Variants in TRAPPC12 observed in about 807,000 individuals in gnomAD.
TRAPPC12 encodes the protein TPR repeat protein 15.
TRAPPC12 carries 61 observed loss-of-function variants against 69.2 expected under a neutral mutation model. The observed-to-expected ratio is 0.88, with a 90% CI of 0.72 to 1.09. TRAPPC12 has a LOEUF of 1.09. Among genes scored for constraint, TRAPPC12 ranks in the 50% least tolerant of loss-of-function variants. The pLI, the probability that TRAPPC12 is intolerant of heterozygous loss-of-function variation, is 0.00. For missense variants in TRAPPC12, 1,101 were observed against 1,016.4 expected (o/e 1.08, Z -1.13); for synonymous variants, 469 against 438.9 (o/e 1.07, Z -0.86).
intron 3 of TRAPPC12, among the ~76,000 whole-genome samples, chr2:3,416,947 C>T (rs1662447994): frequency 1.3e-5 from 2 of 149,958 alleles, no homozygotes; most frequent in South Asian, 4.2e-4. Flanking sequence ...TGCTGGGCAG[C>T]CTTCCTGGGC....
Position 3,388,351 on chromosome 2 carries a change from C to T in TRAPPC12, c.728C>T (p.Pro243Leu), listed in dbSNP as rs778690090. ...ISVSNPGAGS[P>L]APASPPPLAV... ...GTCAGCAATCCCGGCGCGGGCTCCC[C>T]GGCCCCCGCCAGCCCGCCTCCCCTC... is the stretch of plus-strand genomic sequence containing the variant. Residue 243 changes from proline to leucine, a missense_variant, in exon 2 of 12, where the codon CCG becomes CTG. Physicochemically the swap from Pro to Leu is moderately conservative, Grantham distance 98 (BLOSUM62 -3). Transcript: ENST00000324266. The T allele has an allele frequency of 7.6e-6, 12 of 1,582,166 alleles. No individual in the cohort carries two copies. Among genetic ancestry groups the T allele is most frequent in the Middle Eastern group, 3.3e-4 (2 of 5,974 alleles).
intron 5 of TRAPPC12, among the ~76,000 whole-genome samples, chr2:3,426,217 G>T (rs1357301441): frequency 6.6e-6 from 1 of 152,204 alleles, no homozygotes; most frequent in Non-Finnish European, 1.5e-5. Context: ...GAAAAAATGG[G>T]AAGGGTAACT....
intron 2 of TRAPPC12, among the ~76,000 whole-genome samples, chr2:3,395,809 A>G (rs1317607284): frequency 6.6e-6 from 1 of 151,046 alleles, no homozygotes. Context: ...AGCTCACTCC[A>G]ACCTCCACCT....
chr2:3,440,690 T>C (rs1664150493), intron 5 of TRAPPC12, among the ~76,000 whole-genome samples: 1 of 152,212 alleles, frequency 6.6e-6, no homozygotes, highest in African/African-American at 2.4e-5. Flanking sequence ...GAACTTCCAG[T>C]ACAATGTTCA....
At chr2:3,383,376 C>T (rs564178914) in intron 1 of TRAPPC12, among the ~76,000 whole-genome samples, 1 of 151,930 alleles carries the variant, frequency 6.6e-6, no homozygotes, top group African/African-American at 2.4e-5. Context: ...GAAGTTTTGC[C>T]TTTCACAGTT....
chr2:3,408,041 T>TA (rs1661825548), intron 3 of TRAPPC12, among the ~76,000 whole-genome samples: 2 of 152,084 alleles, frequency 1.3e-5, no homozygotes, highest in African/African-American at 2.4e-5. Context: ...ATTTGTCCAT[T>TA]AAACAAGAGC....
chr2:3,423,364 C>G (rs1315123908), intron 4 of TRAPPC12, among the ~76,000 whole-genome samples: 1 of 150,776 alleles, frequency 6.6e-6, no homozygotes, highest in African/African-American at 2.5e-5. Flanking sequence ...AATGAGAACA[C>G]TGAAAATCTG....
chr2:3,453,434 T>TG (rs1253123419), intron 6 of TRAPPC12, among the ~76,000 whole-genome samples: 1 of 152,242 alleles, frequency 6.6e-6, no homozygotes, highest in Admixed American at 6.5e-5. Context: ...TCTGCCCCTG[T>TG]GGCTGGTCGC....
intron 2 of TRAPPC12, among the ~76,000 whole-genome samples, chr2:3,398,278 G>A (rs542607460): frequency 3.3e-5 from 5 of 152,244 alleles, no homozygotes; most frequent in East Asian, 3.9e-4. Flanking sequence ...TTGAGGCCCC[G>A]CCAGACAGTT....
chr2:3,479,092 C>T (rs1666429812), intron 11 of TRAPPC12, 127 bp from the exon 12 acceptor site: 1 of 1,521,998 alleles, frequency 6.6e-7, no homozygotes, highest in African/African-American at 1.4e-5. Flanking sequence ...CCAACAGGGC[C>T]ACCTAGGCTC....
intron 4 of TRAPPC12, among the ~76,000 whole-genome samples, chr2:3,424,080 A>G (rs34778340): frequency 0.13 from 19,484 of 152,096 alleles, 1,557 homozygotes; most frequent in East Asian, 0.39. Flanking sequence ...CCCGCCCTCC[A>G]CTAGGTGGCG....
chr2:3,415,918 G>A (rs572583912), intron 3 of TRAPPC12, among the ~76,000 whole-genome samples: 17 of 151,124 alleles, frequency 1.1e-4, no homozygotes, highest in Middle Eastern at 6.9e-3. Flanking sequence ...GGGTTTCACC[G>A]TGTTAGCCAG....
At chr2:3,411,211 T>G (rs577222696) in intron 3 of TRAPPC12, among the ~76,000 whole-genome samples, 15 of 152,282 alleles carry the variant, frequency 9.9e-5, no homozygotes, top group African/African-American at 3.6e-4. Context: ...CTTCCATACT[T>G]GTTGTGAAAA....
intron 8 of TRAPPC12, chr2:3,463,172 G>T (rs1231374160): frequency 6.7e-6 from 2 of 299,500 alleles, no homozygotes; most frequent in Non-Finnish European, 1.3e-5. Context: ...CCTGTGAAGG[G>T]CTGTTTCCTC....
chr2:3,460,237 A>C (rs769130540), intron 7 of TRAPPC12, 26 bp from the exon 8 acceptor site: 1 of 873,024 alleles, frequency 1.1e-6, no homozygotes, highest in African/African-American at 1.6e-5. Flanking sequence ...TTATTTGTGC[A>C]CTTACAGGCT....
intron 11 of TRAPPC12, 106 bp downstream of exon 11, chr2:3,479,039 C>G (rs1666426798): frequency 7.5e-6 from 11 of 1,473,486 alleles, no homozygotes; most frequent in Middle Eastern, 3.5e-4. Flanking sequence ...TCTCTCCAGT[C>G]CACCAGCTCC....
chr2:3,448,790 G>A (rs1302500445), intron 6 of TRAPPC12, among the ~76,000 whole-genome samples: 1 of 152,220 alleles, frequency 6.6e-6, no homozygotes, highest in East Asian at 1.9e-4. Flanking sequence ...GAGGGCGTGT[G>A]CCGGGAGCAC....
chr2:3,453,329 G>A (rs1443633641), intron 6 of TRAPPC12, among the ~76,000 whole-genome samples: 2 of 152,156 alleles, frequency 1.3e-5, no homozygotes, highest in African/African-American at 4.8e-5. Context: ...TCAACCCGTC[G>A]GGAACAGCTC....
chr2:3,423,741 C>T (rs916447447), intron 4 of TRAPPC12, among the ~76,000 whole-genome samples: 9 of 152,298 alleles, frequency 5.9e-5, no homozygotes, highest in Middle Eastern at 3.4e-3. Context: ...CATCCTTCAG[C>T]GGACACTTAG....
Sources: allele counts gnomAD v4.1 joint callset (sites outside exome capture counted in the v4.1 genomes callset), GRCh38; gene constraint gnomAD v4.1.1; transcripts MANE v1.5; gene names NCBI Gene and HGNC (gene_info 2026-07-23, HGNC 2026-07-21).